Variants in DTD1 observed in about 807,000 individuals in gnomAD.
DTD1 encodes D-aminoacyl-tRNA deacylase 1, also known as D-tyrosyl-tRNA deacylase 1 homolog.
Under a neutral mutation model 25.6 loss-of-function variants are expected in DTD1, and 13 were observed. The ratio of observed to expected loss-of-function variants is 0.51; its 90% CI spans 0.33 to 0.81. The LOEUF is 0.81. DTD1 is among the 30% of genes least tolerant of loss of function. The probability of loss-of-function intolerance (pLI) is 0.02; values close to 1 mark genes in which losing one functional copy is unlikely to be tolerated. For synonymous variants in DTD1, 110 were observed against 103.6 expected, an observed-to-expected ratio of 1.06 and a Z score of -0.37; for missense variants, 193 against 266.4, an observed-to-expected ratio of 0.72 and a Z score of 1.92.
chr20:18,644,319 A>G (rs2060842346), intron 4 of DTD1, among the ~76,000 whole-genome samples: 1 of 152,210 alleles, frequency 6.6e-6, no homozygotes, highest in African/African-American at 2.4e-5. Context: ...TGGTAGAATT[A>G]TTTTATTCAA....
At chr20:18,589,808 C>T (rs4420767) in intron 1 of DTD1, among the ~76,000 whole-genome samples, 139,937 of 152,224 alleles carry the variant, frequency 0.92, 65,378 homozygotes, top group East Asian at 1. Flanking sequence ...TTTTGGTTCA[C>T]TATTTAAGTT....
At chr20:18,594,046 CT>C (rs1272673000) in intron 2 of DTD1, among the ~76,000 whole-genome samples, 2 of 152,182 alleles carry the variant, frequency 1.3e-5, no homozygotes, top group African/African-American at 4.8e-5. Context: ...CGCCTGTCCC[CT>C]GTCTGTTTGC....
At chr20:18,664,480 T>C (rs2060923866) in intron 4 of DTD1, among the ~76,000 whole-genome samples, 1 of 152,166 alleles carries the variant, frequency 6.6e-6, no homozygotes, top group Non-Finnish European at 1.5e-5. Flanking sequence ...CTCCATGCTG[T>C]TTCTTGTAAT....
At chr20:18,689,021 G>T (rs368728722) in intron 4 of DTD1, among the ~76,000 whole-genome samples, 1 of 152,184 alleles carries the variant, frequency 6.6e-6, no homozygotes, top group African/African-American at 2.4e-5. Context: ...GAAACATTGT[G>T]TGCATTTCTA....
At chr20:18,653,255 A>T (rs1256271916) in intron 4 of DTD1, among the ~76,000 whole-genome samples, 2 of 152,166 alleles carry the variant, frequency 1.3e-5, no homozygotes, top group East Asian at 3.9e-4. Context: ...TTAGCTGGGT[A>T]TTATGGCATA....
intron 3 of DTD1, among the ~76,000 whole-genome samples, chr20:18,613,840 C>G (rs1342217034): frequency 6.6e-6 from 1 of 152,066 alleles, no homozygotes; most frequent in Non-Finnish European, 1.5e-5. Context: ...AAACCAATAC[C>G]CATGCAGAGT....
chr20:18,721,877 C>T (rs1233002603), intron 4 of DTD1, among the ~76,000 whole-genome samples: 2 of 150,270 alleles, frequency 1.3e-5, no homozygotes, highest in Non-Finnish European at 3.0e-5. Flanking sequence ...TGCGCTCTGT[C>T]CTGGAAGAGG....
In DTD1 at chr20:18,714,912, G is replaced by T. The variant is rs77551055; in HGVS notation, c.478-29188G>T. Among the ~76,000 whole-genome samples, 1,326 of 152,284 alleles carry T rather than the reference G, an allele frequency of 8.7e-3. 13 individuals are homozygous for T. Among genetic ancestry groups the T allele is most frequent in the South Asian group, 0.035 (169 of 4,828 alleles). On this transcript the variant is annotated intron_variant, in intron 4 of 5. Coordinates refer to ENST00000377452, the MANE Select transcript of DTD1 (RefSeq NM_080820.6). ...CCCTTCAGCCAAACGCCTGTGTTTGGTGATATGACATTGGTGATATGAACG... is the reference window on the plus strand; with the variant it reads ...CCCTTCAGCCAAACGCCTGTGTTTGTTGATATGACATTGGTGATATGAACG...
rs111946703 is a variant in DTD1, at chr20:18,678,210, A to G, written c.477+49977A>G. The stretch of plus-strand genomic sequence containing the variant: ...ACCTGATGTAGATAGCCTCAGGTTG[A>G]TCAGCACCTTGAGAGCACCTGGGGC... On this transcript the variant is annotated intron_variant, in intron 4 of 5. Transcript: ENST00000377452. Among the ~76,000 whole-genome samples the G allele has an allele frequency of 3.2e-3, 486 of 152,354 alleles. 4 individuals carry two copies. The highest frequency in any genetic ancestry group is 0.011 in the African/African-American group (471 of 41,594).
chr20:18,636,619 G>A (rs576705585), intron 4 of DTD1, among the ~76,000 whole-genome samples: 12 of 152,308 alleles, frequency 7.9e-5, no homozygotes, highest in African/African-American at 2.9e-4. Flanking sequence ...AGGTTAGGAT[G>A]GGTCAGTGGG....
chr20:18,705,389 A>G (rs1288521446), intron 4 of DTD1, among the ~76,000 whole-genome samples: 5 of 151,630 alleles, frequency 3.3e-5, no homozygotes, highest in Non-Finnish European at 4.4e-5. Context: ...CCCCACAGCA[A>G]CTCCCGCCCC....
At chr20:18,708,385 T>A (rs2061144404) in intron 4 of DTD1, among the ~76,000 whole-genome samples, 1 of 129,786 alleles carries the variant, frequency 7.7e-6, no homozygotes, top group Non-Finnish European at 1.6e-5. Flanking sequence ...ATACAAAGTC[T>A]CACTCTGTCG....
intron 4 of DTD1, among the ~76,000 whole-genome samples, chr20:18,707,989 G>C (rs911416869): frequency 2.7e-5 from 4 of 150,682 alleles, no homozygotes; most frequent in African/African-American, 4.9e-5. Context: ...ATGAGTGGGC[G>C]GGGCTTTGGG....
At chr20:18,750,212 T>C (rs369162401) in intron 5 of DTD1, among the ~76,000 whole-genome samples, 1 of 152,216 alleles carries the variant, frequency 6.6e-6, no homozygotes, top group African/African-American at 2.4e-5. Flanking sequence ...TGGGGTTTTT[T>C]GTTGCCCGTG....
At chr20:18,652,725 A>C (rs1347841146) in intron 4 of DTD1, among the ~76,000 whole-genome samples, 1 of 152,158 alleles carries the variant, frequency 6.6e-6, no homozygotes, top group African/African-American at 2.4e-5. Flanking sequence ...CAGCTTGTAG[A>C]CCTGTTTTGG....
intron 4 of DTD1, among the ~76,000 whole-genome samples, chr20:18,729,565 C>T (rs2061233512): frequency 6.6e-6 from 1 of 152,166 alleles, no homozygotes; most frequent in Non-Finnish European, 1.5e-5. Flanking sequence ...GGTTTTATTC[C>T]TCTTCAGATA....
chr20:18,708,231 T>TAAA (rs1462362587), intron 4 of DTD1, among the ~76,000 whole-genome samples: 2 of 15,392 alleles, frequency 1.3e-4, no homozygotes, highest in East Asian at 2.1e-3. Flanking sequence ...ATATATATAT[T>TAAA]TTATATATAT....
intron 4 of DTD1, among the ~76,000 whole-genome samples, chr20:18,715,419 G>T (rs150970788): frequency 7.2e-4 from 109 of 152,210 alleles, no homozygotes; most frequent in South Asian, 3.1e-3. Context: ...CTCCCTGTAA[G>T]CTCCCTGTCC....
At chr20:18,702,553 A>G (rs1329390592) in intron 4 of DTD1, among the ~76,000 whole-genome samples, 2 of 152,166 alleles carry the variant, frequency 1.3e-5, no homozygotes, top group Non-Finnish European at 2.9e-5. Context: ...TGCAGATCAG[A>G]TTTAACTCCT....
Sources: allele counts gnomAD v4.1 joint callset (sites outside exome capture counted in the v4.1 genomes callset), GRCh38; gene constraint gnomAD v4.1.1; transcripts MANE v1.5; gene names NCBI Gene and HGNC (gene_info 2026-07-23, HGNC 2026-07-21).